Variants in LPP observed in about 807,000 individuals in gnomAD.
The protein encoded by LPP is LIM domain containing preferred translocation partner in lipoma.
In LPP, 38 loss-of-function variants were observed where a neutral mutation model predicts 60.4. The ratio of observed to expected loss-of-function variants is 0.63; its 90% CI spans 0.49 to 0.83. LPP has a LOEUF of 0.83. Ranked by LOEUF, LPP falls within the 40% of genes least tolerant of loss-of-function variation. The pLI, the probability that LPP is intolerant of heterozygous loss-of-function variation, is 0.00. For missense variants in LPP, 902 were observed against 783.6 expected (o/e 1.15, Z -1.80); for synonymous variants, 328 against 290.8 (o/e 1.13, Z -1.30).
At chr3:188,682,506 T>C (rs914745631) in intron 7 of LPP, among the ~76,000 whole-genome samples, 3 of 152,196 alleles carry the variant, frequency 2.0e-5, no homozygotes, top group Non-Finnish European at 4.4e-5. Context: ...GGCTGTGTCT[T>C]GGTCAGGCTA....
At chr3:188,216,673 A>G (rs1196643180) in intron 1 of LPP, among the ~76,000 whole-genome samples, 2 of 152,202 alleles carry the variant, frequency 1.3e-5, no homozygotes, top group African/African-American at 4.8e-5. Flanking sequence ...ATGACAGTGA[A>G]CATTTAGGCT....
chr3:188,537,869 G>A (rs894212429), intron 6 of LPP, among the ~76,000 whole-genome samples: 10 of 152,052 alleles, frequency 6.6e-5, no homozygotes, highest in African/African-American at 2.4e-4. Context: ...CAGCAATCAA[G>A]CAGTGTGATA....
intron 4 of LPP, among the ~76,000 whole-genome samples, chr3:188,423,025 A>G (rs1220293380): frequency 6.6e-6 from 1 of 151,568 alleles, no homozygotes; most frequent in Non-Finnish European, 1.5e-5. Context: ...AGGTATACAC[A>G]TGCCATGGTG....
chr3:188,662,290 T>C (rs1854756539), intron 7 of LPP, among the ~76,000 whole-genome samples: 1 of 152,192 alleles, frequency 6.6e-6, no homozygotes, highest in South Asian at 2.1e-4. Context: ...ATAACATCGT[T>C]GGGCTGCTTC....
chr3:188,347,140 C>T (rs944008604), intron 3 of LPP, among the ~76,000 whole-genome samples: 1 of 152,076 alleles, frequency 6.6e-6, no homozygotes, highest in Admixed American at 6.6e-5. Flanking sequence ...GGATTTAAAT[C>T]CGGATTTACT....
intron 9 of LPP, among the ~76,000 whole-genome samples, 156 bp downstream of exon 9, chr3:188,760,438 G>A (rs1028307587): frequency 2.7e-5 from 4 of 147,536 alleles, no homozygotes; most frequent in African/African-American, 8.0e-5. Context: ...GTGTGTGTGC[G>A]TGCGCGCATG....
intron 3 of LPP, among the ~76,000 whole-genome samples, chr3:188,360,512 A>G (rs1768961157): frequency 6.6e-6 from 1 of 151,498 alleles, no homozygotes; most frequent in South Asian, 2.1e-4. Context: ...ATCCTGTCTG[A>G]ATTACATAAC....
intron 5 of LPP, among the ~76,000 whole-genome samples, chr3:188,504,371 T>C (rs1812837911): frequency 6.6e-6 from 1 of 152,170 alleles, no homozygotes; most frequent in South Asian, 2.1e-4. Flanking sequence ...TTTCAGCATG[T>C]TTAAGACAGT....
At chr3:188,648,473 T>G (rs932684700) in intron 7 of LPP, among the ~76,000 whole-genome samples, 4 of 152,158 alleles carry the variant, frequency 2.6e-5, no homozygotes, top group African/African-American at 9.7e-5. Flanking sequence ...CAAGGAGGAT[T>G]GGTGGGGAAC....
intron 3 of LPP, among the ~76,000 whole-genome samples, chr3:188,347,703 A>G (rs185947643): frequency 1.1e-3 from 165 of 152,324 alleles, no homozygotes; most frequent in Admixed American, 1.4e-3. Context: ...ATGCTGCCAA[A>G]TTGTGATGAC....
intron 4 of LPP, among the ~76,000 whole-genome samples, chr3:188,408,863 G>C (rs558411138): frequency 6.6e-6 from 1 of 151,784 alleles, no homozygotes; most frequent in Non-Finnish European, 1.5e-5. Flanking sequence ...TCCAGCATGC[G>C]GTACTGCCTG....
In LPP at chr3:188,217,974, G is replaced by A. The variant is rs143900629; in HGVS notation, c.-189-7431G>A. ...TAAAACATTCTTTCCCACCAAGAAT[G>A]AGGAACGTTCAGAGTGATGCTGACT... is the stretch of plus-strand genomic sequence containing the variant. On this transcript the variant is annotated intron_variant, in intron 1 of 11. Transcript: ENST00000617246. The surrounding 1 kb of genome is among the most constrained non-coding windows in gnomAD (Gnocchi z 4.0). Among the ~76,000 whole-genome samples the A allele has an allele frequency of 2.0e-5, 3 of 152,308 alleles. No individual in the cohort carries two copies. The highest frequency in any genetic ancestry group is 7.2e-5 in the African/African-American group (3 of 41,570).
At chr3:188,837,769 C>T (rs1057238437) in intron 9 of LPP, among the ~76,000 whole-genome samples, 6 of 152,060 alleles carry the variant, frequency 3.9e-5, no homozygotes, top group Non-Finnish European at 8.8e-5. Context: ...GCAAACTTAA[C>T]AAGGATGCCT....
chr3:188,216,273 C>CTTTTT (rs1315000809), intron 1 of LPP, among the ~76,000 whole-genome samples: 2 of 131,170 alleles, frequency 1.5e-5, no homozygotes, highest in Non-Finnish European at 3.2e-5. Context: ...CTTCTTCTTC[C>CTTTTT]TTTTTTTTTT....
intron 3 of LPP, among the ~76,000 whole-genome samples, chr3:188,401,639 A>G (rs1260564554): frequency 6.6e-6 from 1 of 152,212 alleles, no homozygotes; most frequent in Non-Finnish European, 1.5e-5. Flanking sequence ...TGCCAGGCAA[A>G]TAAATTCATT....
intron 2 of LPP, among the ~76,000 whole-genome samples, chr3:188,284,246 G>T (rs1467429643): frequency 1.3e-5 from 2 of 151,954 alleles, no homozygotes; most frequent in African/African-American, 4.8e-5. Flanking sequence ...ACTGTGTCTG[G>T]CCAGGAGGAG....
At chr3:188,631,794 T>A (rs543919105) in intron 7 of LPP, among the ~76,000 whole-genome samples, 1 of 152,134 alleles carries the variant, frequency 6.6e-6, no homozygotes, top group Non-Finnish European at 1.5e-5. Flanking sequence ...TCCTATACAA[T>A]GACGATGGGT....
chr3:188,273,282 C>G (rs901128114), intron 2 of LPP, among the ~76,000 whole-genome samples: 2 of 152,180 alleles, frequency 1.3e-5, no homozygotes, highest in East Asian at 3.9e-4. Flanking sequence ...ACTGAATTAT[C>G]AACTAGGGCA....
intron 7 of LPP, among the ~76,000 whole-genome samples, chr3:188,632,431 T>C (rs1194667637): frequency 6.6e-6 from 1 of 152,214 alleles, no homozygotes; most frequent in Non-Finnish European, 1.5e-5. Context: ...CATTCCAGTG[T>C]GCTGGTGCTG....
Sources: allele counts gnomAD v4.1 joint callset (sites outside exome capture counted in the v4.1 genomes callset), GRCh38; gene constraint gnomAD v4.1.1; non-coding constraint Gnocchi (gnomAD v3.1); transcripts MANE v1.5; gene names NCBI Gene and HGNC (gene_info 2026-07-23, HGNC 2026-07-21).